ZDHHC13: variants seen among roughly 807,000 people sequenced by gnomAD.
The protein encoded by ZDHHC13 is zDHHC palmitoyltransferase 13.
ZDHHC13 carries 85 observed loss-of-function variants against 86.0 expected under a neutral mutation model. That is an observed-to-expected ratio of 0.99 (90% CI 0.83 to 1.18). The LOEUF is 1.18. ZDHHC13 is among the 50% of genes most tolerant of loss of function. ZDHHC13 has a pLI of 0.00. For synonymous variants in ZDHHC13, 263 were observed against 246.4 expected (o/e 1.07, Z -0.63); for missense variants, 711 against 730.2 (o/e 0.97, Z 0.30).
At chr11:19,159,780 C>T (rs1198684740) in intron 10 of ZDHHC13, among the ~76,000 whole-genome samples, 2 of 151,874 alleles carry the variant, frequency 1.3e-5, no homozygotes, top group Non-Finnish European at 2.9e-5. Flanking sequence ...TAGTGTTGGC[C>T]AAGTCCTGTC....
chr11:19,142,981 A>G lies in ZDHHC13; in HGVS notation c.31A>G (p.Arg11Gly). Reference protein sequence around the residue: MEGPGLGSQCRNHSHGPHPPG... With the variant: MEGPGLGSQCGNHSHGPHPPG... The stretch of plus-strand genomic sequence containing the variant: ...TCAAATGACTCTTACTCTTCAGTGC[A>G]GGAATCACAGCCATGGCCCCCACCC... The change falls in exon 2 of 17, where the codon AGG becomes GGG. Residue 11 changes from arginine (R) to glycine (G), a missense_variant. Physicochemically the swap from Arg to Gly is moderately radical, Grantham distance 125. Coordinates refer to ENST00000446113, the MANE Select transcript of ZDHHC13 (RefSeq NM_019028.3). The G allele has an allele frequency of 1.2e-6, 2 of 1,606,916 alleles. No individual in the cohort carries two copies. Among genetic ancestry groups the G allele is most frequent in the Non-Finnish European group, 1.7e-6 (2 of 1,176,142 alleles).
intron 1 of ZDHHC13, among the ~76,000 whole-genome samples, chr11:19,131,996 T>G (rs1590063542): frequency 6.6e-6 from 1 of 152,252 alleles, no homozygotes; most frequent in African/African-American, 2.4e-5. Flanking sequence ...AATGTTTTCC[T>G]TTAAATACTT....
chr11:19,142,883 A>T lies in ZDHHC13; in HGVS notation c.28-95A>T, dbSNP rs976374081. ...AAAACTCCAAAAAATGTAATTTATTAATATAGATATTGTTGATAGTAGCAA... is the reference window on the plus strand; with the variant it reads ...AAAACTCCAAAAAATGTAATTTATTTATATAGATATTGTTGATAGTAGCAA... On this transcript the variant is annotated intron_variant, in intron 1 of 16. Transcript: ENST00000446113. 1.9e-5 allele frequency: 25 copies of T among 1,294,182 alleles called. No individual in the cohort carries two copies. The African/African-American group carries it at 3.3e-4, about 17-fold the overall frequency. 80.2% of individuals were successfully genotyped at this position (1,294,182 alleles called of 1,614,324 possible).
intron 1 of ZDHHC13, among the ~76,000 whole-genome samples, chr11:19,127,967 T>G (rs892138314): frequency 3.3e-5 from 5 of 152,192 alleles, no homozygotes; most frequent in African/African-American, 1.2e-4. Context: ...TTTAAAATAG[T>G]TTTTTCCTAG....
chr11:19,129,083 C>CA (rs1435830731), intron 1 of ZDHHC13, among the ~76,000 whole-genome samples: 1 of 151,988 alleles, frequency 6.6e-6, no homozygotes, highest in Non-Finnish European at 1.5e-5. Flanking sequence ...CTGAACACAC[C>CA]AAAAAATGCA....
chr11:19,146,370 C>A, intron 3 of ZDHHC13, 67 bp downstream of exon 3: 1 of 1,544,144 alleles, frequency 6.5e-7, no homozygotes, highest in Non-Finnish European at 8.7e-7. Context: ...TTATCTTTTT[C>A]TTTAAGTATG....
intron 1 of ZDHHC13, among the ~76,000 whole-genome samples, chr11:19,136,742 A>T (rs1849152978): frequency 6.6e-6 from 1 of 152,166 alleles, no homozygotes; most frequent in Non-Finnish European, 1.5e-5. Flanking sequence ...TCTACAAGCC[A>T]GAAGATAGTG....
chr11:19,127,054 C>T (rs1453080786), intron 1 of ZDHHC13, among the ~76,000 whole-genome samples: 1 of 152,026 alleles, frequency 6.6e-6, no homozygotes, highest in Admixed American at 6.6e-5. Flanking sequence ...CCACAATGAA[C>T]TAATTTTCAC....
chr11:19,147,723 T>A, intron 4 of ZDHHC13, 50 bp downstream of exon 4: 1 of 1,368,868 alleles, frequency 7.3e-7, no homozygotes, highest in Non-Finnish European at 1.0e-6. Context: ...TAGCTAGTGG[T>A]CACCATATAA....
chr11:19,159,516 T>C (rs889929274), intron 10 of ZDHHC13, among the ~76,000 whole-genome samples: 3 of 152,122 alleles, frequency 2.0e-5, no homozygotes, highest in Admixed American at 6.6e-5. Flanking sequence ...ATAAATTTAC[T>C]TTGCCACTCA....
At chr11:19,153,686 A>G (rs1302635213) in intron 8 of ZDHHC13, among the ~76,000 whole-genome samples, 2 of 152,048 alleles carry the variant, frequency 1.3e-5, no homozygotes, top group African/African-American at 4.8e-5. Context: ...GATAACTCCC[A>G]TATTTGTCTC....
chr11:19,133,273 A>G (rs1382779298), intron 1 of ZDHHC13, among the ~76,000 whole-genome samples: 1 of 152,126 alleles, frequency 6.6e-6, no homozygotes, highest in African/African-American at 2.4e-5. Context: ...TAACTGGTAC[A>G]ACCATTTTGA....
rs570595355 is a variant in ZDHHC13, at chr11:19,128,452, C to T, written c.27+11176C>T. Reference sequence around the variant, plus strand: ...GGATGCCCTTTATTTCTTTCTCTTGCCTGATTGTTCTGGACAGTACTGCCA... The same window carrying T: ...GGATGCCCTTTATTTCTTTCTCTTGTCTGATTGTTCTGGACAGTACTGCCA... On this transcript the variant is annotated intron_variant, in intron 1 of 16. Coordinates refer to ENST00000446113, the MANE Select transcript of ZDHHC13 (RefSeq NM_019028.3). Among the ~76,000 whole-genome samples the T allele has an allele frequency of 1.1e-3, 170 of 152,186 alleles. 1 individual carries two copies. The highest frequency in any genetic ancestry group is 4.0e-3 in the African/African-American group (166 of 41,520).
At chr11:19,122,172 T>C (rs75131175) in intron 1 of ZDHHC13, among the ~76,000 whole-genome samples, 5,536 of 152,286 alleles carry the variant, frequency 0.036, 212 homozygotes, top group East Asian at 0.21. Context: ...GTCATGTTAT[T>C]GTAGGATTTG....
chr11:19,170,027 G>A (rs929536930), intron 14 of ZDHHC13: 3 of 1,020,800 alleles, frequency 2.9e-6, no homozygotes, highest in Non-Finnish European at 3.5e-6. Context: ...CTTAATAAGA[G>A]TTTATATTCA....
rs1319967714 is a variant in ZDHHC13 at position 19,176,157 on chromosome 11, A to C, written c.*197A>C. 9 of 442,530 alleles carry C rather than the reference A, an allele frequency of 2.0e-5. No individual in the cohort carries two copies. The highest frequency in any genetic ancestry group is 3.4e-5 in the Non-Finnish European group (9 of 265,832). 27.4% of individuals were successfully genotyped at this position (442,530 alleles called of 1,614,324 possible). ...TTAGAAAGATGGACTTTTCTGATAA[A>C]TCTTGGCAGACATCTAAAAAAAAAA... On this transcript the variant is annotated 3_prime_UTR_variant, in exon 17 of 17. Transcript: ENST00000446113.
chr11:19,135,542 C>T (rs572416768), intron 1 of ZDHHC13, among the ~76,000 whole-genome samples: 93 of 152,278 alleles, frequency 6.1e-4, no homozygotes, highest in African/African-American at 1.9e-3. Context: ...ACAAAGCAGC[C>T]GGGAAGCTCG....
chr11:19,120,313 T>C (rs562516017), intron 1 of ZDHHC13, among the ~76,000 whole-genome samples: 67 of 152,290 alleles, frequency 4.4e-4, no homozygotes, highest in African/African-American at 1.5e-3. Context: ...TGGAGATGAA[T>C]TGAGAGCTGG....
In ZDHHC13 at chr11:19,117,347, G is replaced by A; in HGVS notation, c.27+71G>A. On this transcript the variant is annotated intron_variant, in intron 1 of 16. Transcript: ENST00000446113. This position sits in a 1 kb window ranked among gnomAD's most constrained non-coding sequence, Gnocchi z 4.2. ...CTGCAGCTGTGGAGGAAAGGATGGTGTGGGTGAGAGGCCGCTCGATGAGGG... is the reference window on the plus strand; with the variant it reads ...CTGCAGCTGTGGAGGAAAGGATGGTATGGGTGAGAGGCCGCTCGATGAGGG... 1 of 1,387,446 alleles carries A rather than the reference G, an allele frequency of 7.2e-7. No homozygotes were observed. The allele number at this position is 1,387,446 out of a possible 1,614,324, so 85.9% of individuals were successfully genotyped here.
Sources: allele counts gnomAD v4.1 joint callset (sites outside exome capture counted in the v4.1 genomes callset), GRCh38; gene constraint gnomAD v4.1.1; non-coding constraint Gnocchi (gnomAD v3.1); transcripts MANE v1.5; gene names NCBI Gene and HGNC (gene_info 2026-07-23, HGNC 2026-07-21).